Variants in CPA6 observed in about 807,000 individuals in gnomAD.
CPA6 encodes carboxypeptidase B.
A neutral mutation model predicts 63.3 loss-of-function variants in CPA6; 58 were observed. The ratio of observed to expected loss-of-function variants is 0.92; its 90% CI spans 0.74 to 1.14. The LOEUF is 1.14. Ranked by LOEUF, CPA6 falls within the 50% of genes most tolerant of loss-of-function variation. The pLI, the probability that CPA6 is intolerant of heterozygous loss-of-function variation, is 0.00. For missense variants in CPA6, 565 were observed against 526.6 expected, an observed-to-expected ratio of 1.07 and a Z score of -0.71; for synonymous variants, 185 against 179.0, an observed-to-expected ratio of 1.03 and a Z score of -0.27.
intron 10 of CPA6, among the ~76,000 whole-genome samples, chr8:67,424,606 C>G (rs1216105460): frequency 6.6e-6 from 1 of 152,208 alleles, no homozygotes; most frequent in Non-Finnish European, 1.5e-5. Flanking sequence ...TATAGCACTT[C>G]CTTCACATTA....
intron 8 of CPA6, among the ~76,000 whole-genome samples, chr8:67,469,619 A>C (rs1358798042): frequency 6.6e-6 from 1 of 152,134 alleles, no homozygotes; most frequent in East Asian, 1.9e-4. Context: ...AAAGAAAAGA[A>C]AGAAATGACC....
chr8:67,530,401 C>A (rs1390479287), intron 2 of CPA6, among the ~76,000 whole-genome samples: 1 of 152,030 alleles, frequency 6.6e-6, no homozygotes, highest in Non-Finnish European at 1.5e-5. Context: ...TGAAAATAGA[C>A]CCAGACCAAA....
intron 6 of CPA6, among the ~76,000 whole-genome samples, chr8:67,495,288 C>G (rs1811686486): frequency 1.3e-5 from 2 of 152,120 alleles, no homozygotes; most frequent in African/African-American, 4.8e-5. Context: ...ATCATCCATT[C>G]CTAAAGACTT....
rs1810861143 is a variant in CPA6 at position 67,463,532 on chromosome 8, T to C, written c.838+20236A>G. On this transcript the variant is annotated intron_variant, in intron 8 of 10. Coordinates refer to ENST00000297770, the MANE Select transcript of CPA6 (RefSeq NM_020361.5). The stretch of plus-strand genomic sequence containing the variant: ...TTTAGAAAATTTTCCTTCCCCAACA[T>C]TTATTTTAAATTTGGAGATATATGT... 6.6e-5 allele frequency among the ~76,000 whole-genome samples: 10 copies of C among 152,060 alleles called. No homozygotes were observed. In the South Asian group the frequency reaches 2.1e-3, roughly 32 times the overall value.
At chr8:67,636,135 G>T (rs1332826844) in intron 1 of CPA6, among the ~76,000 whole-genome samples, 1 of 151,488 alleles carries the variant, frequency 6.6e-6, no homozygotes, top group South Asian at 2.1e-4. Flanking sequence ...TTAAGGGAAG[G>T]ATTATTTAAA....
At chr8:67,446,068 T>A (rs192488775) in intron 8 of CPA6, among the ~76,000 whole-genome samples, 31 of 152,070 alleles carry the variant, frequency 2.0e-4, no homozygotes, top group Admixed American at 4.6e-4. Flanking sequence ...ATCGAGACCA[T>A]CCTGGCTAAC....
intron 2 of CPA6, among the ~76,000 whole-genome samples, chr8:67,525,353 G>A (rs942805681): frequency 6.6e-6 from 1 of 152,082 alleles, no homozygotes; most frequent in African/African-American, 2.4e-5. Flanking sequence ...AACTAATTAG[G>A]CGTTGAAATA....
chr8:67,726,830 A>T (rs1004641794), intron 1 of CPA6, among the ~76,000 whole-genome samples: 2 of 152,226 alleles, frequency 1.3e-5, no homozygotes, highest in Non-Finnish European at 2.9e-5. Flanking sequence ...CACTTTGGCC[A>T]TTTAATGCTT....
At position 67,694,477 on chromosome 8, in the gene CPA6, C is replaced by T. The variant is rs187282796; in HGVS notation, c.116+51537G>A. Among the ~76,000 whole-genome samples, 5 of 152,290 alleles carry T rather than the reference C, an allele frequency of 3.3e-5. No homozygotes were observed. In the East Asian group the frequency reaches 7.7e-4, roughly 24 times the overall value. The stretch of plus-strand genomic sequence containing the variant: ...CTAAGTGTTATCTGACCCACCAAGC[C>T]GTAAAGTTTAGTGTGCGCAGCCAAC... On this transcript the variant is annotated intron_variant, in intron 1 of 10. Transcript: ENST00000297770.
At chr8:67,454,707 G>A (rs1810631602) in intron 8 of CPA6, among the ~76,000 whole-genome samples, 2 of 152,198 alleles carry the variant, frequency 1.3e-5, no homozygotes, top group African/African-American at 4.8e-5. Flanking sequence ...TCTCTGCAGT[G>A]CAGAGTGGAG....
chr8:67,632,904 G>A (rs890946840), intron 1 of CPA6, among the ~76,000 whole-genome samples: 25 of 152,142 alleles, frequency 1.6e-4, no homozygotes, highest in African/African-American at 4.8e-4. Flanking sequence ...AATATCTTTC[G>A]TATATAAAAA....
At chr8:67,629,359 T>G (rs1054712684) in intron 1 of CPA6, among the ~76,000 whole-genome samples, 1 of 151,042 alleles carries the variant, frequency 6.6e-6, no homozygotes, top group African/African-American at 2.4e-5. Flanking sequence ...CACATACATA[T>G]AGTCCCAGCT....
chr8:67,436,277 G>T (rs1384653652), intron 8 of CPA6, among the ~76,000 whole-genome samples: 2 of 152,080 alleles, frequency 1.3e-5, no homozygotes, highest in Non-Finnish European at 1.5e-5. Context: ...TTGCACTGGG[G>T]TTGGAGCCCA....
chr8:67,435,293 T>C (rs1009152884), intron 8 of CPA6, among the ~76,000 whole-genome samples: 1 of 152,092 alleles, frequency 6.6e-6, no homozygotes, highest in Non-Finnish European at 1.5e-5. Context: ...GAAGAAGGGC[T>C]GGACCCACTT....
At chr8:67,552,505 G>A (rs1036646929) in intron 2 of CPA6, among the ~76,000 whole-genome samples, 1 of 152,074 alleles carries the variant, frequency 6.6e-6, no homozygotes, top group South Asian at 2.1e-4. Flanking sequence ...CGGGCACGGT[G>A]GCTCATGCCT....
chr8:67,458,063 A>ATG (rs1474204774), intron 8 of CPA6, among the ~76,000 whole-genome samples: 1 of 152,200 alleles, frequency 6.6e-6, no homozygotes, highest in African/African-American at 2.4e-5. Context: ...AAAAAAGTGA[A>ATG]TCTAGACACA....
At chr8:67,685,461 CA>C (rs897880136) in intron 1 of CPA6, among the ~76,000 whole-genome samples, 15 of 151,480 alleles carry the variant, frequency 9.9e-5, no homozygotes, top group Admixed American at 2.6e-4. Flanking sequence ...ACTAAAAATA[CA>C]AAAAAAATTA....
chr8:67,719,023 A>T (rs140819637), intron 1 of CPA6, among the ~76,000 whole-genome samples: 2 of 151,466 alleles, frequency 1.3e-5, no homozygotes, highest in Non-Finnish European at 2.9e-5. Context: ...GGCTGCCAAT[A>T]TTTTTTTTTC....
chr8:67,671,447 T>C (rs1244539933), intron 1 of CPA6, among the ~76,000 whole-genome samples: 6 of 152,172 alleles, frequency 3.9e-5, no homozygotes, highest in Non-Finnish European at 8.8e-5. Context: ...GTAGGGTTCA[T>C]TGGTGATGCT....
Sources: allele counts gnomAD v4.1 joint callset (sites outside exome capture counted in the v4.1 genomes callset), GRCh38; gene constraint gnomAD v4.1.1; transcripts MANE v1.5; gene names NCBI Gene and HGNC (gene_info 2026-07-23, HGNC 2026-07-21).